The following FRS2 variants were observed in gnomAD, a reference collection of about 807,000 sequenced individuals.
FRS2 encodes the protein fibroblast growth factor receptor substrate 2.
In FRS2, 8 loss-of-function variants were observed where a neutral mutation model predicts 43.9. That is an observed-to-expected ratio of 0.18 (90% CI 0.11 to 0.33). The LOEUF (loss-of-function observed/expected upper bound fraction) is 0.33. Among genes scored for constraint, FRS2 ranks in the 10% least tolerant of loss-of-function variants. The pLI is 1.00. For missense variants in FRS2, 534 were observed against 627.6 expected, an observed-to-expected ratio of 0.85 and a Z score of 1.59; for synonymous variants, 219 against 220.3, an observed-to-expected ratio of 0.99 and a Z score of 0.05.
intron 1 of FRS2, among the ~76,000 whole-genome samples, chr12:69,508,608 A>G (rs558589028): frequency 6.6e-6 from 1 of 152,232 alleles, no homozygotes; most frequent in African/African-American, 2.4e-5. Context: ...TTAAAATGAT[A>G]TTTGTACATG....
rs527611449 is a variant in FRS2, at chr12:69,521,041, A to G, written c.-260-9824A>G. On this transcript the variant is annotated intron_variant, in intron 1 of 8. Coordinates refer to ENST00000549921, the MANE Select transcript of FRS2 (RefSeq NM_001278356.2). ...GATTCTTCCTATCCATGAGCATGGA[A>G]TGTTTTCCCATTTGTTTGTGTCATC... Among the ~76,000 whole-genome samples, 3 of 152,262 alleles carry G rather than the reference A, an allele frequency of 2.0e-5. No homozygotes were observed. The South Asian group carries it at 6.2e-4, about 32-fold the overall frequency.
At chr12:69,502,904 G>A (rs530800044) in intron 1 of FRS2, among the ~76,000 whole-genome samples, 4 of 152,240 alleles carry the variant, frequency 2.6e-5, no homozygotes, top group South Asian at 2.1e-4. Context: ...AGCAGCTGCC[G>A]CCTACAGCCT....
chr12:69,476,342 C>G (rs1019849039), intron 1 of FRS2, among the ~76,000 whole-genome samples: 1 of 152,130 alleles, frequency 6.6e-6, no homozygotes, highest in Non-Finnish European at 1.5e-5. Flanking sequence ...TGTTTCTCAA[C>G]CAGAGCCTCT....
At chr12:69,485,247 G>T (rs1401503979) in intron 1 of FRS2, among the ~76,000 whole-genome samples, 1 of 150,420 alleles carries the variant, frequency 6.6e-6, no homozygotes, top group Non-Finnish European at 1.5e-5. Flanking sequence ...CAGTGGCGCC[G>T]TCTCCGCTCA....
Position 69,574,755 on chromosome 12 carries a change from G to T in FRS2, c.1327G>T (p.Gly443Cys). 1.2e-6 allele frequency: 2 copies of T among 1,614,116 alleles called. No individual in the cohort carries two copies. The highest frequency in any genetic ancestry group is 1.7e-6 in the Non-Finnish European group (2 of 1,180,014). Residue 443 changes from glycine to cysteine, a missense_variant, in exon 9 of 9, where the codon GGT (glycine) becomes TGT (cysteine). Physicochemically the swap from Gly to Cys is radical, Grantham distance 159. Coordinates refer to ENST00000549921, the MANE Select transcript of FRS2 (RefSeq NM_001278356.2). ...QLNYIQVDLE[G>C]GSDSDNPQTP... ...TAATTACATACAGGTTGACTTGGAA[G>T]GTGGCAGTGACTCTGACAACCCTCA...
chr12:69,570,582 C>A, intron 6 of FRS2, 65 bp downstream of exon 6: 2 of 932,474 alleles, frequency 2.1e-6, no homozygotes, highest in Non-Finnish European at 3.3e-6. Context: ...ATTCTGTATA[C>A]AAAGATTAAA....
chr12:69,549,814 C>T (rs1878718956), intron 3 of FRS2, among the ~76,000 whole-genome samples: 1 of 152,214 alleles, frequency 6.6e-6, no homozygotes, highest in East Asian at 1.9e-4. Context: ...CTTTCTGTCC[C>T]ATCTCACCTT....
intron 1 of FRS2, among the ~76,000 whole-genome samples, chr12:69,495,063 G>A (rs1264744908): frequency 1.3e-5 from 2 of 152,088 alleles, no homozygotes; most frequent in African/African-American, 2.4e-5. Context: ...GAACCACCTC[G>A]CCTGGCCGCT....
intron 3 of FRS2, among the ~76,000 whole-genome samples, chr12:69,550,508 G>A (rs76619520): frequency 0.014 from 2,184 of 152,322 alleles, 56 homozygotes; most frequent in African/African-American, 0.049. Flanking sequence ...AGTCTAAAAT[G>A]AAAGGCTTTG....
intron 1 of FRS2, among the ~76,000 whole-genome samples, chr12:69,520,120 T>G (rs1354541917): frequency 6.6e-6 from 1 of 152,214 alleles, no homozygotes; most frequent in East Asian, 1.9e-4. Context: ...CGAGATGGTA[T>G]CTCATTGTGG....
intron 1 of FRS2, among the ~76,000 whole-genome samples, chr12:69,485,268 C>T (rs973310050): frequency 3.7e-4 from 57 of 152,004 alleles, no homozygotes; most frequent in African/African-American, 1.3e-3. Context: ...CTGAAAGCTC[C>T]GCTTCCCAGG....
intron 3 of FRS2, among the ~76,000 whole-genome samples, chr12:69,543,957 G>A (rs1878140682): frequency 6.6e-6 from 1 of 151,954 alleles, no homozygotes; most frequent in South Asian, 2.1e-4. Flanking sequence ...AGAGGAATAG[G>A]GGGAGCCATT....
chr12:69,539,465 T>C (rs1364971287), intron 3 of FRS2, among the ~76,000 whole-genome samples: 1 of 152,218 alleles, frequency 6.6e-6, no homozygotes, highest in Admixed American at 6.5e-5. Context: ...ACAAAATTTA[T>C]GTTTCATATA....
rs561598417 is a variant in FRS2 at position 69,530,316 on chromosome 12, A to G, written c.-260-549A>G. 1.2e-4 allele frequency among the ~76,000 whole-genome samples: 18 copies of G among 151,622 alleles called. 1 individual carries two copies. The South Asian group carries it at 3.3e-3, about 28-fold the overall frequency. On this transcript the variant is annotated intron_variant, in intron 1 of 8. Coordinates refer to ENST00000549921, the MANE Select transcript of FRS2 (RefSeq NM_001278356.2). The stretch of plus-strand genomic sequence containing the variant: ...CTGTAAATGGCACTCCGGAGTTGCA[A>G]GGTCCCACTGGGTGACAGGAATTGA...
rs1397522803 is a variant in FRS2 at position 69,571,151 on chromosome 12, T to C, written c.254-125T>C. On this transcript the variant is annotated intron_variant, in intron 6 of 8. Transcript: ENST00000549921. Reference sequence around the variant, plus strand: ...TAATCATTAATTTATCAGATATTTATTTAAAAGGGATTTCTGACTCGGTGC... The same window carrying C: ...TAATCATTAATTTATCAGATATTTACTTAAAAGGGATTTCTGACTCGGTGC... The C allele has an allele frequency of 5.1e-6, 3 of 586,224 alleles. No homozygotes were observed. In the Admixed American group the frequency reaches 1.1e-4, roughly 21 times the overall value. 36.3% of individuals were successfully genotyped at this position (586,224 alleles called of 1,614,324 possible).
At chr12:69,538,200 TATATATA>T (rs1877511081) in intron 3 of FRS2, among the ~76,000 whole-genome samples, 1 of 53,164 alleles carries the variant, frequency 1.9e-5, no homozygotes, top group East Asian at 1.0e-3. Context: ...ACAAATTTTA[TATATATA>T]TATATATATA....
Position 69,547,830 on chromosome 12 carries a change from C to CTTTTTTTTT in FRS2, c.-121-14332_-121-14324dup, listed in dbSNP as rs71094722. Among the ~76,000 whole-genome samples the CTTTTTTTTT allele has an allele frequency of 9.7e-5, 10 of 102,772 alleles. 3 individuals carry two copies. Among genetic ancestry groups the CTTTTTTTTT allele is most frequent in the African/African-American group, 1.8e-4 (5 of 27,858 alleles). 67.4% of individuals were successfully genotyped at this position (102,772 alleles called of 152,430 possible). On this transcript the variant is annotated intron_variant, in intron 3 of 8. Coordinates refer to ENST00000549921, the MANE Select transcript of FRS2 (RefSeq NM_001278356.2). The stretch of plus-strand genomic sequence containing the variant: ...TTTTAGAAAAATGTATCCATTAATA[C>CTTTTTTTTT]TTTTTTTTTTTTTTTTTTTTTTTTT...
intron 3 of FRS2, among the ~76,000 whole-genome samples, chr12:69,536,391 G>A (rs2135684312): frequency 6.6e-6 from 1 of 151,786 alleles, no homozygotes; most frequent in South Asian, 2.1e-4. Flanking sequence ...CCAAAGTGCT[G>A]GGATTACAGG....
chr12:69,488,859 A>T (rs926900288), intron 1 of FRS2, among the ~76,000 whole-genome samples: 1 of 152,202 alleles, frequency 6.6e-6, no homozygotes, highest in Non-Finnish European at 1.5e-5. Context: ...CTTATTAAGC[A>T]TTAAGTGCAG....
Sources: gnomAD v4.1 joint callset for allele counts (sites outside exome capture counted in the v4.1 genomes callset) on GRCh38, gnomAD v4.1.1 for gene constraint, MANE v1.5 for transcripts, NCBI Gene and HGNC (gene_info 2026-07-23, HGNC 2026-07-21) for gene names.